The following SRP9 variants were observed in gnomAD, a reference collection of about 807,000 sequenced individuals.
The protein encoded by SRP9 is signal recognition particle 9 kDa protein.
Under a neutral mutation model 11.7 loss-of-function variants are expected in SRP9, and 2 were observed. The ratio of observed to expected loss-of-function variants is 0.17; its 90% confidence interval spans 0.07 to 0.54. The LOEUF (loss-of-function observed/expected upper bound fraction) is 0.54. Among genes scored for constraint, SRP9 ranks in the 20% least tolerant of loss-of-function variants. The probability of loss-of-function intolerance (pLI) is 0.94; values close to 1 mark genes in which losing one functional copy is unlikely to be tolerated. For missense variants in SRP9, 54 were observed against 108.1 expected (o/e 0.50, Z 2.22); for synonymous variants, 27 against 35.6 (o/e 0.76, Z 0.86).
At position 225,785,237 on chromosome 1, in the gene SRP9, AT is replaced by A. The variant is rs34100490; in HGVS notation, c.141+1889del. On this transcript the variant is annotated intron_variant, in intron 2 of 2. Coordinates refer to ENST00000304786, the MANE Select transcript of SRP9 (RefSeq NM_003133.6). ...AGCCGTGCACCACCACGCCCAACTA[AT>A]TTTTTTTTTTTTTTTTTTTAGTAGA... Among the ~76,000 whole-genome samples, 456 of 129,654 alleles carry A rather than the reference AT, an allele frequency of 3.5e-3. 3 individuals are homozygous for A. The highest frequency in any genetic ancestry group is 4.6e-3 in the African/African-American group (162 of 34,862). 85.1% of individuals were successfully genotyped at this position (129,654 alleles called of 152,430 possible).
intron 2 of SRP9, among the ~76,000 whole-genome samples, chr1:225,786,083 T>C (rs1195409238): frequency 1.3e-5 from 2 of 152,252 alleles, no homozygotes; most frequent in African/African-American, 4.8e-5. Flanking sequence ...GTCATTTCTG[T>C]ATTATGTAAG....
chr1:225,785,623 G>A (rs532889732), intron 2 of SRP9, among the ~76,000 whole-genome samples: 2 of 149,742 alleles, frequency 1.3e-5, no homozygotes, highest in African/African-American at 2.5e-5. Flanking sequence ...CTCGTGATCT[G>A]CCCGCCTTGG....
At position 225,786,721 on chromosome 1, in the gene SRP9, A is replaced by G. The variant is rs560840217; in HGVS notation, c.142-2519A>G. 71 of 1,067,722 alleles carry G rather than the reference A, an allele frequency of 6.6e-5. No individual in the cohort carries two copies. In the African/African-American group the frequency reaches 7.0e-4, roughly 11 times the overall value. The allele number at this position is 1,067,722 out of a possible 1,614,324, so 66.1% of individuals were successfully genotyped here. A position where few individuals can be genotyped will look rare whatever the true frequency, so the allele number is the denominator to read the frequency against. On this transcript the variant is annotated intron_variant, in intron 2 of 2. Transcript: ENST00000304786. ...CCAAAAATTTAGCCTTCTGGTCTCA[A>G]TTTCCTCATCTGTAAAGTATCATAG...
Position 225,781,395 on chromosome 1 carries a change from CTTT to C in SRP9, c.73-1886_73-1884del, listed in dbSNP as rs11315558. Among the ~76,000 whole-genome samples the C allele has an allele frequency of 4.6e-5, 4 of 87,826 alleles. No individual in the cohort carries two copies. The East Asian group carries it at 1.6e-3, about 34-fold the overall frequency. 57.6% of individuals were successfully genotyped at this position (87,826 alleles called of 152,430 possible). A position where few individuals can be genotyped will look rare whatever the true frequency, so the allele number is the denominator to read the frequency against. ...GATTGGCCTTTTTTCTTTTCTTTTT[CTTT>C]TTTTTTTTTTTTTTTTTTGAGACAG... On this transcript the variant is annotated intron_variant, in intron 1 of 2. Transcript: ENST00000304786.
At chr1:225,788,983 TA>T in intron 2 of SRP9, 1 of 1,545,548 alleles carries the variant, frequency 6.5e-7, no homozygotes, top group Non-Finnish European at 8.7e-7. Context: ...ATTTAACATT[TA>T]ACATTTTTCA....
At chr1:225,787,382 T>C (rs1025947315) in intron 2 of SRP9, among the ~76,000 whole-genome samples, 2 of 151,664 alleles carry the variant, frequency 1.3e-5, no homozygotes, top group African/African-American at 4.8e-5. Flanking sequence ...AAAATACAAA[T>C]ATTAGCATGG....
In SRP9 at chr1:225,778,106, A is replaced by G. The variant is rs111886426; in HGVS notation, c.72+94A>G. 9 of 1,385,776 alleles carry G rather than the reference A, an allele frequency of 6.5e-6. No homozygotes were observed. The African/African-American group carries it at 1.0e-4, about 16-fold the overall frequency. The allele number at this position is 1,385,776 out of a possible 1,614,324, so 85.8% of individuals were successfully genotyped here. ...CTGGAGCTTCCCCAGCGCTCCCAGG[A>G]GGTGCTGGGAATGAACACAAATGGA... On this transcript the variant is annotated intron_variant, in intron 1 of 2. Coordinates refer to ENST00000304786, the MANE Select transcript of SRP9 (RefSeq NM_003133.6).
intron 2 of SRP9, 54 bp from the exon 3 acceptor site, chr1:225,789,186 A>G: frequency 1.3e-6 from 2 of 1,576,712 alleles, no homozygotes; most frequent in Non-Finnish European, 8.6e-7. Context: ...TGTTTTCTAC[A>G]TTGTCAGTAT....
At chr1:225,784,827 G>A (rs1665870637) in intron 2 of SRP9, among the ~76,000 whole-genome samples, 1 of 151,924 alleles carries the variant, frequency 6.6e-6, no homozygotes, top group Non-Finnish European at 1.5e-5. Flanking sequence ...GGGTGACACA[G>A]CAAGACTCCA....
At chr1:225,785,228 G>A (rs1232723574) in intron 2 of SRP9, among the ~76,000 whole-genome samples, 2 of 147,002 alleles carry the variant, frequency 1.4e-5, no homozygotes, top group African/African-American at 2.5e-5. Context: ...GCACCACCAC[G>A]CCCAACTAAT....
At chr1:225,783,192 TG>T (rs968314851) in intron 1 of SRP9, 107 bp from the exon 2 acceptor site, 3 of 735,826 alleles carry the variant, frequency 4.1e-6, no homozygotes, top group Non-Finnish European at 6.7e-6. Context: ...TTTAGATGTT[TG>T]GGGGTATTTA....
chr1:225,788,414 ATTTTTTTT>A (rs35284825), intron 2 of SRP9, among the ~76,000 whole-genome samples: 1 of 128,014 alleles, frequency 7.8e-6, no homozygotes, highest in Non-Finnish European at 1.6e-5. Flanking sequence ...GCAAATCAAG[ATTTTTTTT>A]TTTTTTTTTT....
At chr1:225,789,210 G>C (rs765780699) in intron 2 of SRP9, 30 bp from the exon 3 acceptor site, 3 of 1,599,626 alleles carry the variant, frequency 1.9e-6, no homozygotes, top group Non-Finnish European at 2.6e-6. Context: ...GTTTTATATA[G>C]TTAATATGTA....
chr1:225,783,159 G>T, intron 1 of SRP9, 141 bp from the exon 2 acceptor site: 1 of 562,406 alleles, frequency 1.8e-6, no homozygotes, highest in Non-Finnish European at 3.1e-6. Context: ...CTTCATTTCG[G>T]TTTAGTTTAT....
At chr1:225,783,910 C>T (rs1040903571) in intron 2 of SRP9, among the ~76,000 whole-genome samples, 1 of 152,026 alleles carries the variant, frequency 6.6e-6, no homozygotes, top group Non-Finnish European at 1.5e-5. Flanking sequence ...CCCACTCTTT[C>T]ATAGAAATAA....
rs1665998877 is a variant in SRP9, at chr1:225,790,135, G to A, written c.*776G>A. ...TTTCCATCTGTAGTTTCTCAGAAGG[G>A]CTATGGATTAGTTTGAACTGTCAAA... On this transcript the variant is annotated 3_prime_UTR_variant, in exon 3 of 3. Coordinates refer to ENST00000304786, the MANE Select transcript of SRP9 (RefSeq NM_003133.6). 1 of 152,102 alleles carries A rather than the reference G, an allele frequency of 6.6e-6. No individual in the cohort carries two copies. The highest frequency in any genetic ancestry group is 1.5e-5 in the Non-Finnish European group (1 of 68,018). 9.4% of individuals were successfully genotyped at this position (152,102 alleles called of 1,614,324 possible). A position where few individuals can be genotyped will look rare whatever the true frequency, so the allele number is the denominator to read the frequency against.
chr1:225,781,395 CTTTTTT>C (rs11315558), intron 1 of SRP9, among the ~76,000 whole-genome samples: 2 of 87,828 alleles, frequency 2.3e-5, no homozygotes, highest in Non-Finnish European at 4.3e-5. Context: ...TTTTCTTTTT[CTTTTTT>C]TTTTTTTTTT....
intron 1 of SRP9, among the ~76,000 whole-genome samples, chr1:225,782,317 C>T (rs537643441): frequency 7.2e-5 from 11 of 152,208 alleles, no homozygotes; most frequent in African/African-American, 2.6e-4. Context: ...GCACTCATCA[C>T]CACGCCCGGC....
intron 2 of SRP9, among the ~76,000 whole-genome samples, chr1:225,785,808 A>C (rs1665898029): frequency 6.6e-6 from 1 of 151,458 alleles, no homozygotes; most frequent in Non-Finnish European, 1.5e-5. Flanking sequence ...TCGGCCTCCC[A>C]AGTAGGTGGG....
Sources: gnomAD v4.1 joint callset for allele counts (sites outside exome capture counted in the v4.1 genomes callset) on GRCh38, gnomAD v4.1.1 for gene constraint, MANE v1.5 for transcripts, NCBI Gene and HGNC (gene_info 2026-07-23, HGNC 2026-07-21) for gene names.